Variants in PRRG1 observed in about 807,000 individuals in gnomAD.
The protein encoded by PRRG1 is transmembrane gamma-carboxyglutamic acid protein 1.
PRRG1 carries 5 observed loss-of-function variants against 11.8 expected under a neutral mutation model. The observed-to-expected ratio is 0.42, with a 90% CI of 0.22 to 0.89. The LOEUF (loss-of-function observed/expected upper bound fraction) is 0.89, where lower values mean the gene tolerates loss of function less well. PRRG1 is among the 40% of genes least tolerant of loss of function. PRRG1 has a pLI of 0.28. For synonymous variants in PRRG1, 66 were observed against 60.4 expected (o/e 1.09, Z -0.43); for missense variants, 155 against 166.1 (o/e 0.93, Z 0.37).
At chrX:37,381,721 C>A (rs1347091965) in intron 1 of PRRG1, among the ~76,000 whole-genome samples, 1 of 110,757 alleles carries the variant, frequency 9.0e-6, no homozygotes, top group Non-Finnish European at 1.9e-5. Flanking sequence ...ATGTTTAATT[C>A]TTTCCAGAAC....
chrX:37,364,160 C>T (rs1725766108), intron 1 of PRRG1, among the ~76,000 whole-genome samples: 2 of 110,708 alleles, frequency 1.8e-5, no homozygotes, highest in African/African-American at 6.6e-5. Context: ...AGTTAGGACC[C>T]CTATATTAAG....
At chrX:37,442,865 G>GT (rs1556394290) in intron 3 of PRRG1, among the ~76,000 whole-genome samples, 5 of 111,250 alleles carry the variant, frequency 4.5e-5, no homozygotes, top group Admixed American at 1.9e-4. Flanking sequence ...CTCTACTCCT[G>GT]TTTTTATTCT....
intron 1 of PRRG1, among the ~76,000 whole-genome samples, chrX:37,352,783 TAA>T (rs1556365120): frequency 3.1e-4 from 35 of 111,696 alleles, no homozygotes; most frequent in Non-Finnish European, 6.2e-4. Flanking sequence ...ACTTACCTGA[TAA>T]TTAAGATCAG....
intron 1 of PRRG1, among the ~76,000 whole-genome samples, chrX:37,361,456 G>A (rs1431984178): frequency 8.9e-6 from 1 of 112,036 alleles, no homozygotes; most frequent in African/African-American, 3.2e-5. Context: ...GATAGCACTT[G>A]TTATCTTCTT....
rs191327742 is a variant in PRRG1, at chrX:37,396,838, C to G, written c.-41-9371C>G. ...TATTGACATTTTGGACTGGTTAATTCTTTCTTGTAGGGGGCTGTTCTATGC... is the reference window on the plus strand; with the variant it reads ...TATTGACATTTTGGACTGGTTAATTGTTTCTTGTAGGGGGCTGTTCTATGC... On this transcript the variant is annotated intron_variant, in intron 1 of 3. Transcript: ENST00000378628. Among the ~76,000 whole-genome samples, 7 of 111,194 alleles carry G rather than the reference C, an allele frequency of 6.3e-5. No homozygotes were observed. The Admixed American group carries it at 6.7e-4, about 11-fold the overall frequency.
chrX:37,420,668 C>CAAAAAAAAAAAAAAAAAAAAA (rs1302856034), intron 2 of PRRG1, among the ~76,000 whole-genome samples: 5 of 29,528 alleles, frequency 1.7e-4, no homozygotes, highest in African/African-American at 4.3e-4. Flanking sequence ...CCCGTCTATG[C>CAAAAAAAAAAAAAAAAAAAAA]AAAAAAAAAA....
chrX:37,441,775 G>A (rs1392008802), intron 3 of PRRG1: 98 of 784,267 alleles, frequency 1.2e-4, no homozygotes, highest in Non-Finnish European at 1.5e-4. Context: ...CTGCTTTCAC[G>A]ACATCAGGAA....
chrX:37,384,239 G>A (rs1373774742), intron 1 of PRRG1, among the ~76,000 whole-genome samples: 12 of 111,249 alleles, frequency 1.1e-4, no homozygotes, highest in African/African-American at 3.3e-4. Context: ...GTTATATACC[G>A]CTATATAATA....
chrX:37,427,906 C>T (rs1932790684), intron 3 of PRRG1, among the ~76,000 whole-genome samples: 2 of 111,802 alleles, frequency 1.8e-5, no homozygotes, highest in Admixed American at 1.9e-4. Flanking sequence ...CTTACAGTTC[C>T]GCATGGCTGG....
intron 1 of PRRG1, among the ~76,000 whole-genome samples, chrX:37,381,592 A>G (rs1404166621): frequency 9.0e-6 from 1 of 111,313 alleles, no homozygotes; most frequent in African/African-American, 3.3e-5. Context: ...AGAACCTTCT[A>G]TATCCTGTCT....
At chrX:37,379,510 T>A (rs992901034) in intron 1 of PRRG1, among the ~76,000 whole-genome samples, 9 of 111,056 alleles carry the variant, frequency 8.1e-5, no homozygotes, top group African/African-American at 2.6e-4. Flanking sequence ...AGAGGACTGA[T>A]TAAATAAATG....
chrX:37,448,438 C>T (rs1921000009), intron 3 of PRRG1, among the ~76,000 whole-genome samples: 1 of 111,802 alleles, frequency 8.9e-6, no homozygotes, highest in Non-Finnish European at 1.9e-5. Context: ...GGCCTGTGAC[C>T]AATCACAGGC....
At chrX:37,409,226 AAAAG>A (rs1932288587) in intron 2 of PRRG1, among the ~76,000 whole-genome samples, 1 of 112,349 alleles carries the variant, frequency 8.9e-6, no homozygotes, top group African/African-American at 3.2e-5. Flanking sequence ...AATCATAAGA[AAAAG>A]AAAATGTATT....
At position 37,456,083 on chromosome X, in the gene PRRG1, A is replaced by G. The variant is rs1921347238; in HGVS notation, c.*2462A>G. The stretch of plus-strand genomic sequence containing the variant: ...TTTTGAAAATATGGCCATTTTTCAT[A>G]AAATGTTATTTGTGTTAGCATGTAA... On this transcript the variant is annotated 3_prime_UTR_variant, in exon 4 of 4. Transcript: ENST00000378628. The G allele has an allele frequency of 8.9e-6, 1 of 112,523 alleles. No individual in the cohort carries two copies. The highest frequency in any genetic ancestry group is 3.6e-4 in the South Asian group (1 of 2,753). The allele number at this position is 112,523 out of a possible 1,213,427, so 9.3% of individuals were successfully genotyped here.
chrX:37,371,854 G>A (rs1556370883), intron 1 of PRRG1, among the ~76,000 whole-genome samples: 1 of 112,992 alleles, frequency 8.9e-6, no homozygotes, highest in East Asian at 2.8e-4. Context: ...AGGCTTGGGA[G>A]CCAGGCTGGT....
chrX:37,384,572 T>G (rs893785384), intron 1 of PRRG1, among the ~76,000 whole-genome samples: 1 of 111,976 alleles, frequency 8.9e-6, no homozygotes, highest in Non-Finnish European at 1.9e-5. Context: ...ACTCTTATTT[T>G]CACAATATTA....
At chrX:37,374,539 T>C in intron 1 of PRRG1, among the ~76,000 whole-genome samples, 1 of 111,633 alleles carries the variant, frequency 9.0e-6, no homozygotes. Flanking sequence ...AATTCGCTTA[T>C]GTATGACTGT....
intron 1 of PRRG1, among the ~76,000 whole-genome samples, chrX:37,382,438 A>G (rs1001505711): frequency 6.3e-5 from 7 of 111,320 alleles, no homozygotes; most frequent in Non-Finnish European, 7.6e-5. Context: ...TCTTGCAGCT[A>G]TAGATATATA....
intron 2 of PRRG1, among the ~76,000 whole-genome samples, chrX:37,423,355 A>AG (rs782212685): frequency 9.1e-6 from 1 of 110,302 alleles, no homozygotes; most frequent in African/African-American, 3.3e-5. Context: ...ATTTTTGTAC[A>AG]GCTGTACAAT....
Sources: allele counts gnomAD v4.1 joint callset (sites outside exome capture counted in the v4.1 genomes callset), GRCh38; gene constraint gnomAD v4.1.1; transcripts MANE v1.5; gene names NCBI Gene and HGNC (gene_info 2026-07-23, HGNC 2026-07-21).